Variants in SEC63 observed in about 807,000 individuals in gnomAD.
SEC63 encodes SEC63 protein translocation regulator.
SEC63 carries 56 observed loss-of-function variants against 116.2 expected under a neutral mutation model. The observed-to-expected ratio is 0.48, with a 90% confidence interval of 0.39 to 0.60. The LOEUF (loss-of-function observed/expected upper bound fraction) is 0.60, where lower values mean the gene tolerates loss of function less well. SEC63 is among the 20% of genes least tolerant of loss of function. The pLI is 0.00. For missense variants in SEC63, 668 were observed against 900.0 expected (o/e 0.74, Z 3.30); for synonymous variants, 273 against 294.6 (o/e 0.93, Z 0.75).
chr6:107,875,362 G>C (rs543519979), intron 19 of SEC63, among the ~76,000 whole-genome samples: 2 of 152,274 alleles, frequency 1.3e-5, no homozygotes, highest in African/African-American at 4.8e-5. Flanking sequence ...GAGGTTTCAT[G>C]ATACCATGCT....
chr6:107,924,643 C>A lies in SEC63; in HGVS notation c.339+175G>T, dbSNP rs148661938. Among the ~76,000 whole-genome samples the A allele has an allele frequency of 2.0e-3, 270 of 135,876 alleles. 1 individual carries two copies. The highest frequency in any genetic ancestry group is 6.8e-3 in the African/African-American group (261 of 38,360). The allele number at this position is 135,876 out of a possible 152,430, so 89.1% of individuals were successfully genotyped here. On this transcript the variant is annotated intron_variant, in intron 3 of 20. Transcript: ENST00000369002. The stretch of plus-strand genomic sequence containing the variant: ...TGAAAACCAATTATTAATAACATAA[C>A]AATCAACAGTTATAGCTTAAATTAT...
intron 16 of SEC63, among the ~76,000 whole-genome samples, chr6:107,892,197 T>C (rs1161210126): frequency 6.6e-6 from 1 of 152,152 alleles, no homozygotes; most frequent in African/African-American, 2.4e-5. Context: ...TGGGGTTTTA[T>C]CTATAATTCC....
chr6:107,881,003 T>C (rs1786402193), intron 18 of SEC63, 146 bp downstream of exon 18: 2 of 663,458 alleles, frequency 3.0e-6, no homozygotes, highest in East Asian at 5.5e-5. Flanking sequence ...ATTGTAATAT[T>C]CCCTTTTAAA....
intron 1 of SEC63, among the ~76,000 whole-genome samples, chr6:107,935,318 G>T (rs1451473257): frequency 5.3e-5 from 8 of 151,828 alleles, no homozygotes; most frequent in Non-Finnish European, 8.8e-5. Flanking sequence ...GAACGGGCCG[G>T]GATGACAATG....
chr6:107,910,755 T>C (rs1409176578), intron 7 of SEC63, among the ~76,000 whole-genome samples: 1 of 152,142 alleles, frequency 6.6e-6, no homozygotes, highest in Non-Finnish European at 1.5e-5. Context: ...GTTAACTCAG[T>C]TGTAACTTTT....
intron 1 of SEC63, among the ~76,000 whole-genome samples, chr6:107,930,336 C>T (rs1356365127): frequency 6.6e-6 from 1 of 151,560 alleles, no homozygotes; most frequent in African/African-American, 2.4e-5. Context: ...GGGGGCCGGG[C>T]GCGGTGGCTC....
At chr6:107,931,486 TAAAA>T (rs56166744) in intron 1 of SEC63, among the ~76,000 whole-genome samples, 4 of 146,706 alleles carry the variant, frequency 2.7e-5, no homozygotes, top group Non-Finnish European at 6.0e-5. Flanking sequence ...CTCCCAAGTT[TAAAA>T]AAAAAAAAAA....
intron 19 of SEC63, among the ~76,000 whole-genome samples, chr6:107,873,405 A>C (rs907221162): frequency 2.0e-5 from 3 of 152,318 alleles, no homozygotes; most frequent in Non-Finnish European, 4.4e-5. Context: ...ACTCTTAAAA[A>C]GTTTCTATTC....
rs1786095045 is a variant in SEC63, at chr6:107,870,111, C to G, written c.*1593G>C. 1 of 152,262 alleles carries G rather than the reference C, an allele frequency of 6.6e-6. No homozygotes were observed. The highest frequency in any genetic ancestry group is 1.5e-5 in the Non-Finnish European group (1 of 68,002). The allele number at this position is 152,262 out of a possible 1,614,324, so 9.4% of individuals were successfully genotyped here. A position where few individuals can be genotyped will look rare whatever the true frequency, so the allele number is the denominator to read the frequency against. ...GCCTCAAGACACTGGTGCTTCACAG[C>G]AGAACCTGATTTGAAAATTAAACCC... On this transcript the variant is annotated 3_prime_UTR_variant, in exon 21 of 21. Coordinates refer to ENST00000369002, the MANE Select transcript of SEC63 (RefSeq NM_007214.5).
At chr6:107,872,942 T>C (rs1417208333) in intron 19 of SEC63, 30 bp from the exon 20 acceptor site, 2 of 1,400,586 alleles carry the variant, frequency 1.4e-6, no homozygotes, top group Admixed American at 3.9e-5. Context: ...CTTAAAAATC[T>C]GTATTATGGG....
At position 107,876,670 on chromosome 6, in the gene SEC63, CA is replaced by C. The variant is rs749125299; in HGVS notation, c.1936-9del. On this transcript the variant is annotated splice_polypyrimidine_tract_variant and intron_variant, in intron 18 of 20. Transcript: ENST00000369002. ...CCACCATTCTTGTTTTTCCTGGAAA[CA>C]AAAAAAAAAAAAAAAAAAGAAGAGG... is the stretch of plus-strand genomic sequence containing the variant. 0.036 allele frequency: 26,601 copies of C among 740,330 alleles called. 4 individuals are homozygous for C. The highest frequency in any genetic ancestry group is 0.068 in the East Asian group (2,120 of 31,030). The allele number at this position is 740,330 out of a possible 1,614,324, so 45.9% of individuals were successfully genotyped here.
intron 19 of SEC63, among the ~76,000 whole-genome samples, chr6:107,875,743 C>T (rs1171070078): frequency 6.6e-6 from 1 of 152,060 alleles, no homozygotes; most frequent in Non-Finnish European, 1.5e-5. Context: ...ATCTAAGATG[C>T]TATTTTTCAC....
chr6:107,902,720 A>G, intron 12 of SEC63, 124 bp downstream of exon 12: 1 of 894,680 alleles, frequency 1.1e-6, no homozygotes, highest in Non-Finnish European at 1.8e-6. Context: ...AAAGTTTTAG[A>G]GTATTTAAGA....
At position 107,882,981 on chromosome 6, in the gene SEC63, G is replaced by C. The variant is rs2114406496; in HGVS notation, c.1833+7C>G. 6.5e-7 allele frequency: 1 copy of C among 1,539,658 alleles called. No individual in the cohort carries two copies. Among genetic ancestry groups the C allele is most frequent in the East Asian group, 2.3e-5 (1 of 44,432 alleles). On this transcript the variant is annotated splice_region_variant and intron_variant, in intron 17 of 20. Transcript: ENST00000369002. Reference sequence around the variant, plus strand: ...TTATTTAAATTATTTAAACCTATAAGGCTTACTGCTTCATCATCTTTGTTT... The same window carrying C: ...TTATTTAAATTATTTAAACCTATAACGCTTACTGCTTCATCATCTTTGTTT...
At chr6:107,912,516 C>G (rs1013400619) in intron 6 of SEC63, among the ~76,000 whole-genome samples, 200 bp downstream of exon 6, 2 of 152,174 alleles carry the variant, frequency 1.3e-5, no homozygotes, top group Admixed American at 6.5e-5. Context: ...ACCCAGGAGG[C>G]AGAGGTTGCA....
rs894846950 is a variant in SEC63, at chr6:107,891,951, C to T, written c.1674+1531G>A. Among the ~76,000 whole-genome samples the T allele has an allele frequency of 5.9e-5, 9 of 152,210 alleles. No homozygotes were observed. In the East Asian group the frequency reaches 1.5e-3, roughly 26 times the overall value. On this transcript the variant is annotated intron_variant, in intron 16 of 20. Coordinates refer to ENST00000369002, the MANE Select transcript of SEC63 (RefSeq NM_007214.5). ...GGAAGCTTCGTCCCAGAGGGGCACT[C>T]GCCAGATGCCAGCCAGAGCTCTCCT...
At chr6:107,904,170 G>A (rs1787082506) in intron 11 of SEC63, among the ~76,000 whole-genome samples, 1 of 151,216 alleles carries the variant, frequency 6.6e-6, no homozygotes, top group African/African-American at 2.4e-5. Context: ...CCAGGGCTTT[G>A]GGAGGCTGAG....
At chr6:107,883,361 A>C (rs1344892604) in intron 16 of SEC63, 4 of 534,464 alleles carry the variant, frequency 7.5e-6, no homozygotes, top group Middle Eastern at 5.0e-4. Context: ...GTCTATTGTT[A>C]GTTATTTTAT....
In SEC63 at chr6:107,906,539, C is replaced by T. The variant is rs1248181773; in HGVS notation, c.870G>A (p.Glu290=). 13 of 1,613,260 alleles carry T rather than the reference C, an allele frequency of 8.1e-6. No homozygotes were observed. The highest frequency in any genetic ancestry group is 1.1e-5 in the Non-Finnish European group (13 of 1,179,380). ...EIGSINLKKN[E]PPLTCPYSLK... Reference sequence around the variant, plus strand: ...GGCTATATGGGCAGGTAAGTGGAGGCTCATTCTTCTTTAAATTAATGCTGC... The same window carrying T: ...GGCTATATGGGCAGGTAAGTGGAGGTTCATTCTTCTTTAAATTAATGCTGC... The change falls in exon 10 of 21, where the codon GAG becomes GAA. Residue 290 remains glutamate (E), a synonymous_variant. Coordinates refer to ENST00000369002, the MANE Select transcript of SEC63 (RefSeq NM_007214.5).
Sources: gnomAD v4.1 joint callset for allele counts (sites outside exome capture counted in the v4.1 genomes callset) on GRCh38, gnomAD v4.1.1 for gene constraint, MANE v1.5 for transcripts, NCBI Gene and HGNC (gene_info 2026-07-23, HGNC 2026-07-21) for gene names.